The following GABRG3 variants were observed in gnomAD, a reference collection of about 807,000 sequenced individuals.
GABRG3 encodes the protein gamma-aminobutyric acid receptor subunit gamma-3.
Under a neutral mutation model 48.8 loss-of-function variants are expected in GABRG3, and 25 were observed. The observed-to-expected ratio is 0.51, with a 90% CI of 0.37 to 0.72. The LOEUF (loss-of-function observed/expected upper bound fraction) is 0.72. Among genes scored for constraint, GABRG3 ranks in the 30% least tolerant of loss-of-function variants. GABRG3 has a pLI of 0.00. For synonymous variants in GABRG3, 227 were observed against 217.6 expected, an observed-to-expected ratio of 1.04 and a Z score of -0.38; for missense variants, 394 against 577.9, an observed-to-expected ratio of 0.68 and a Z score of 3.26.
intron 5 of GABRG3, among the ~76,000 whole-genome samples, chr15:27,464,669 G>A (rs1889549413): frequency 6.6e-6 from 1 of 152,170 alleles, no homozygotes; most frequent in African/African-American, 2.4e-5. Context: ...CGGGTATGAA[G>A]TGATATCTTG....
intron 3 of GABRG3, among the ~76,000 whole-genome samples, chr15:27,276,889 G>A (rs1306810028): frequency 1.3e-5 from 2 of 152,150 alleles, no homozygotes; most frequent in Non-Finnish European, 2.9e-5. Context: ...GTTTTATGAG[G>A]GTAGTACAAA....
intron 3 of GABRG3, among the ~76,000 whole-genome samples, chr15:27,286,228 T>C (rs1289406260): frequency 6.6e-6 from 1 of 152,220 alleles, no homozygotes; most frequent in East Asian, 1.9e-4. Context: ...ACCCTTTACA[T>C]GCAGGGCACT....
intron 3 of GABRG3, among the ~76,000 whole-genome samples, chr15:27,097,446 A>G (rs1461515451): frequency 1.3e-5 from 2 of 151,662 alleles, no homozygotes; most frequent in Non-Finnish European, 2.9e-5. Flanking sequence ...TTATTCAGTT[A>G]TTTTTACCTT....
chr15:27,003,971 G>A (rs1485788953), intron 2 of GABRG3, among the ~76,000 whole-genome samples: 8 of 149,126 alleles, frequency 5.4e-5, no homozygotes, highest in African/African-American at 9.9e-5. Context: ...GCGGCTGGCC[G>A]GGCGGGGGGC....
At chr15:27,403,929 C>CAAAAAAAAAAAAACA (rs758952317) in intron 5 of GABRG3, among the ~76,000 whole-genome samples, 1 of 83,350 alleles carries the variant, frequency 1.2e-5, no homozygotes, top group Non-Finnish European at 2.2e-5. Context: ...AAAAAAAAAA[C>CAAAAAAAAAAAAACA]AAAAAAAAAA....
intron 2 of GABRG3, among the ~76,000 whole-genome samples, chr15:26,977,656 T>G (rs1894976985): frequency 6.6e-6 from 1 of 152,268 alleles, no homozygotes; most frequent in Admixed American, 6.5e-5. Context: ...GTCAGTAGTT[T>G]GTTCTTTTTT....
intron 3 of GABRG3, among the ~76,000 whole-genome samples, chr15:27,054,940 A>C (rs1250478081): frequency 6.6e-6 from 1 of 151,716 alleles, no homozygotes; most frequent in Non-Finnish European, 1.5e-5. Flanking sequence ...GCCACAAAGC[A>C]AGAGCGTCAA....
intron 3 of GABRG3, among the ~76,000 whole-genome samples, chr15:27,098,377 T>C (rs1897300597): frequency 6.6e-6 from 1 of 152,160 alleles, no homozygotes. Context: ...GAGGTTGCGG[T>C]GAGCTGAGAG....
intron 3 of GABRG3, among the ~76,000 whole-genome samples, chr15:27,134,668 A>G (rs1897976855): frequency 6.6e-6 from 1 of 152,046 alleles, no homozygotes; most frequent in Non-Finnish European, 1.5e-5. Context: ...GCACGTTGTC[A>G]TGGTTTTGAA....
intron 3 of GABRG3, among the ~76,000 whole-genome samples, chr15:27,301,201 A>G (rs1192282031): frequency 6.6e-6 from 1 of 152,172 alleles, no homozygotes; most frequent in Non-Finnish European, 1.5e-5. Context: ...ATGTGATGCT[A>G]AAGAAAATTG....
chr15:27,175,493 G>C (rs1177712048), intron 3 of GABRG3, among the ~76,000 whole-genome samples: 1 of 152,190 alleles, frequency 6.6e-6, no homozygotes, highest in Admixed American at 6.5e-5. Context: ...CTGTTAATCT[G>C]TTTGACTTGC....
At chr15:27,169,051 C>A (rs1159958438) in intron 3 of GABRG3, among the ~76,000 whole-genome samples, 1 of 152,280 alleles carries the variant, frequency 6.6e-6, no homozygotes, top group African/African-American at 2.4e-5. Flanking sequence ...AAGTACTGTG[C>A]CAAGGACTGG....
intron 3 of GABRG3, among the ~76,000 whole-genome samples, chr15:27,099,606 T>G (rs567405834): frequency 6.6e-6 from 1 of 152,222 alleles, no homozygotes; most frequent in East Asian, 1.9e-4. Flanking sequence ...AACATTCGAA[T>G]TTTGGAGGGA....
intron 3 of GABRG3, among the ~76,000 whole-genome samples, chr15:27,253,396 C>T (rs1409670269): frequency 3.3e-5 from 5 of 152,160 alleles, no homozygotes; most frequent in Admixed American, 1.3e-4. Flanking sequence ...TCTGCCTTAG[C>T]GTGGAGGCTG....
chr15:27,516,936 C>G (rs1891033439), intron 6 of GABRG3, among the ~76,000 whole-genome samples: 1 of 152,218 alleles, frequency 6.6e-6, no homozygotes, highest in Non-Finnish European at 1.5e-5. Context: ...TGACTTTCCT[C>G]TGAATATGAG....
intron 5 of GABRG3, among the ~76,000 whole-genome samples, chr15:27,376,437 C>A (rs1356372663): frequency 6.6e-6 from 1 of 152,242 alleles, no homozygotes; most frequent in African/African-American, 2.4e-5. Context: ...CTGCACTACA[C>A]TAGTAGAAGT....
intron 3 of GABRG3, among the ~76,000 whole-genome samples, chr15:27,119,950 A>G (rs923791042): frequency 1.3e-5 from 2 of 152,200 alleles, no homozygotes; most frequent in African/African-American, 4.8e-5. Flanking sequence ...GACGTTTGTC[A>G]CCTTGCTGTA....
chr15:27,290,604 A>G (rs1175155335), intron 3 of GABRG3, among the ~76,000 whole-genome samples: 2 of 152,084 alleles, frequency 1.3e-5, no homozygotes, highest in Non-Finnish European at 2.9e-5. Flanking sequence ...GAAACAACAG[A>G]AAGATCACAG....
chr15:27,287,889 C>T (rs1424066788), intron 3 of GABRG3, among the ~76,000 whole-genome samples: 1 of 151,968 alleles, frequency 6.6e-6, no homozygotes, highest in Non-Finnish European at 1.5e-5. Flanking sequence ...CAGGCACCCA[C>T]CACCACACCT....
Sources: gnomAD v4.1 joint callset for allele counts (sites outside exome capture counted in the v4.1 genomes callset) on GRCh38, gnomAD v4.1.1 for gene constraint, MANE v1.5 for transcripts, NCBI Gene and HGNC (gene_info 2026-07-23, HGNC 2026-07-21) for gene names.